MVB12B: variants seen among roughly 807,000 people sequenced by gnomAD.
MVB12B encodes the protein ESCRT-I complex subunit MVB12B.
In MVB12B, 16 loss-of-function variants were observed where a neutral mutation model predicts 41.6. The observed-to-expected ratio is 0.38, with a 90% CI of 0.26 to 0.58. The LOEUF (loss-of-function observed/expected upper bound fraction) is 0.58. Among genes scored for constraint, MVB12B ranks in the 20% least tolerant of loss-of-function variants. The pLI is 0.62. For missense variants in MVB12B, 274 were observed against 380.2 expected (o/e 0.72, Z 2.32); for synonymous variants, 133 against 139.7 (o/e 0.95, Z 0.34).
intron 6 of MVB12B, among the ~76,000 whole-genome samples, chr9:126,419,463 A>G (rs1831933350): frequency 6.6e-6 from 1 of 152,086 alleles, no homozygotes; most frequent in Admixed American, 6.5e-5. Context: ...GGCCGCGCAT[A>G]TTGTGTAGCT....
rs981926070 is a variant in MVB12B, at chr9:126,436,744, C to T, written c.757+14796C>T. Reference sequence around the variant, plus strand: ...CCACTTGTGGGCACAGTGGCTGGCCCCTGCAGAGCCTAAGGGGCACTCCAC... The same window carrying T: ...CCACTTGTGGGCACAGTGGCTGGCCTCTGCAGAGCCTAAGGGGCACTCCAC... On this transcript the variant is annotated intron_variant, in intron 7 of 9. Coordinates refer to ENST00000361171, the MANE Select transcript of MVB12B (RefSeq NM_033446.3). The surrounding 1 kb of genome is among the most constrained non-coding windows in gnomAD (Gnocchi z 4.1). Among the ~76,000 whole-genome samples the T allele has an allele frequency of 6.6e-6, 1 of 152,172 alleles. No individual in the cohort carries two copies. The highest frequency in any genetic ancestry group is 2.4e-5 in the African/African-American group (1 of 41,426).
chr9:126,448,436 T>G (rs1025402065), intron 7 of MVB12B: 1 of 152,266 alleles, frequency 6.6e-6, no homozygotes, highest in East Asian at 1.9e-4. Flanking sequence ...TGGTTCACCA[T>G]GAAAGACCAG....
intron 7 of MVB12B, among the ~76,000 whole-genome samples, chr9:126,430,932 T>A (rs1564327029): frequency 6.6e-6 from 1 of 152,230 alleles, no homozygotes; most frequent in Non-Finnish European, 1.5e-5. Flanking sequence ...CTTCCTGGAT[T>A]GTTGTGAAGA....
At chr9:126,383,356 T>C (rs1339630451) in intron 3 of MVB12B, among the ~76,000 whole-genome samples, 1 of 152,228 alleles carries the variant, frequency 6.6e-6, no homozygotes, top group East Asian at 1.9e-4. Flanking sequence ...AATCTGGCTT[T>C]GGAGTGACAT....
At chr9:126,409,120 G>C (rs982955217) in intron 6 of MVB12B, among the ~76,000 whole-genome samples, 1 of 152,096 alleles carries the variant, frequency 6.6e-6, no homozygotes, top group Admixed American at 6.6e-5. Context: ...CATTGTGGGG[G>C]GGGGCTCAGT....
At position 126,503,485 on chromosome 9, in the gene MVB12B, CTG is replaced by C. The variant is rs1371208420; in HGVS notation, c.*229_*230del. 10 of 589,090 alleles carry C rather than the reference CTG, an allele frequency of 1.7e-5. No individual in the cohort carries two copies. The highest frequency in any genetic ancestry group is 3.0e-6 in the Non-Finnish European group (1 of 329,786). The allele number at this position is 589,090 out of a possible 1,614,324, so 36.5% of individuals were successfully genotyped here. ...GACATTGTTCATAACCATGACTAAT[CTG>C]TGTGTGCTGTAGTGACCAGCGGCTC... On this transcript the variant is annotated 3_prime_UTR_variant, in exon 10 of 10. Coordinates refer to ENST00000361171, the MANE Select transcript of MVB12B (RefSeq NM_033446.3).
chr9:126,457,202 CCTTT>C (rs1166596808), intron 7 of MVB12B, among the ~76,000 whole-genome samples: 6 of 152,218 alleles, frequency 3.9e-5, no homozygotes, highest in Middle Eastern at 3.2e-3. Flanking sequence ...AAGTCTCTCC[CCTTT>C]CTTAGACCTT....
chr9:126,388,040 G>A lies in MVB12B; in HGVS notation c.409+1382G>A, dbSNP rs568704025. ...AAAATTAAGCTATAACTCACATACC[G>A]TGCAATTCACCTATTTAACATGCAC... On this transcript the variant is annotated intron_variant, in intron 4 of 9. Coordinates refer to ENST00000361171, the MANE Select transcript of MVB12B (RefSeq NM_033446.3). 1.1e-4 allele frequency among the ~76,000 whole-genome samples: 16 copies of A among 152,248 alleles called. 1 individual carries two copies. Among genetic ancestry groups the A allele is most frequent in the Middle Eastern group, 3.4e-3 (1 of 294 alleles).
At chr9:126,447,247 A>G (rs1030531298) in intron 7 of MVB12B, among the ~76,000 whole-genome samples, 2 of 125,828 alleles carry the variant, frequency 1.6e-5, no homozygotes, top group Non-Finnish European at 3.2e-5. Flanking sequence ...GCCCCCAGCC[A>G]CCTTTTTTTT....
At chr9:126,496,358 C>T (rs1481568732) in intron 9 of MVB12B, among the ~76,000 whole-genome samples, 1 of 140,982 alleles carries the variant, frequency 7.1e-6, no homozygotes, top group African/African-American at 2.7e-5. Flanking sequence ...TTCACTCATG[C>T]ACCTGCCCAT....
At chr9:126,497,752 G>A (rs1044457919) in intron 9 of MVB12B, among the ~76,000 whole-genome samples, 1 of 152,212 alleles carries the variant, frequency 6.6e-6, no homozygotes, top group African/African-American at 2.4e-5. Flanking sequence ...CTTCCCGCTG[G>A]GTATGCAGCC....
chr9:126,494,867 CA>C (rs766609349), intron 9 of MVB12B, among the ~76,000 whole-genome samples: 9,970 of 147,340 alleles, frequency 0.068, 401 homozygotes, highest in Non-Finnish European at 0.095. Context: ...GGGAGCACCC[CA>C]CCCCCCCCCA....
chr9:126,452,856 C>T (rs1385767143), intron 7 of MVB12B, among the ~76,000 whole-genome samples: 2 of 152,164 alleles, frequency 1.3e-5, no homozygotes, highest in Non-Finnish European at 2.9e-5. Flanking sequence ...AATGCTTAGG[C>T]ACTTCATGGC....
At chr9:126,421,557 C>T (rs1330527633) in intron 6 of MVB12B, among the ~76,000 whole-genome samples, 1 of 152,176 alleles carries the variant, frequency 6.6e-6, no homozygotes, top group Non-Finnish European at 1.5e-5. Context: ...ATCAAACTGC[C>T]ACCCCGTAGA....
At chr9:126,408,088 TC>T (rs1302713771) in intron 6 of MVB12B, 1 of 152,224 alleles carries the variant, frequency 6.6e-6, no homozygotes, top group Non-Finnish European at 1.5e-5. Flanking sequence ...ACTGTTAATA[TC>T]TTTCGGTGGA....
chr9:126,503,902 GC>G lies in MVB12B; in HGVS notation c.*644del. ...CTGGAAGTCGGGGAGCAGCACCCCT[GC>G]CCCCGGTGGAGGGGTTGTTGCTTTC... On this transcript the variant is annotated 3_prime_UTR_variant, in exon 10 of 10. Coordinates refer to ENST00000361171, the MANE Select transcript of MVB12B (RefSeq NM_033446.3). 6.6e-6 allele frequency: 1 copy of G among 152,544 alleles called. No individual in the cohort carries two copies. Among genetic ancestry groups the G allele is most frequent in the Non-Finnish European group, 1.5e-5 (1 of 68,228 alleles). The allele number at this position is 152,544 out of a possible 1,614,324, so 9.4% of individuals were successfully genotyped here.
chr9:126,362,339 G>A (rs1199062279), intron 2 of MVB12B, among the ~76,000 whole-genome samples: 1 of 152,278 alleles, frequency 6.6e-6, no homozygotes, highest in East Asian at 1.9e-4. Context: ...GAAAAGGAGG[G>A]AGAGATGTTA....
At chr9:126,383,136 A>AT (rs2118969483) in intron 3 of MVB12B, among the ~76,000 whole-genome samples, 1 of 152,338 alleles carries the variant, frequency 6.6e-6, no homozygotes, top group Admixed American at 6.5e-5. Flanking sequence ...GAATCAGAAT[A>AT]TTTTAATCTG....
chr9:126,497,402 G>A (rs900271951), intron 9 of MVB12B, among the ~76,000 whole-genome samples: 3 of 152,036 alleles, frequency 2.0e-5, no homozygotes, highest in African/African-American at 7.2e-5. Context: ...CCCACGCCCC[G>A]CAGTGTGGTC....
Sources: gnomAD v4.1 joint callset for allele counts (sites outside exome capture counted in the v4.1 genomes callset) on GRCh38, gnomAD v4.1.1 for gene constraint, Gnocchi (gnomAD v3.1) non-coding constraint, MANE v1.5 for transcripts, NCBI Gene and HGNC (gene_info 2026-07-23, HGNC 2026-07-21) for gene names.